FAM20C: variants seen among roughly 807,000 people sequenced by gnomAD.
FAM20C encodes FAM20C golgi associated secretory pathway kinase.
Under a neutral mutation model 51.5 loss-of-function variants are expected in FAM20C, and 40 were observed. The observed-to-expected ratio is 0.78, with a 90% CI of 0.60 to 1.01. FAM20C has a LOEUF of 1.01. Among genes scored for constraint, FAM20C ranks in the 50% least tolerant of loss-of-function variants. The pLI is 0.00. For synonymous variants in FAM20C, 406 were observed against 380.6 expected (o/e 1.07, Z -0.78); for missense variants, 861 against 844.7 (o/e 1.02, Z -0.24).
At chr7:240,623 G>C (rs1466390755) in intron 3 of FAM20C, among the ~76,000 whole-genome samples, 2 of 152,120 alleles carry the variant, frequency 1.3e-5, no homozygotes, top group African/African-American at 4.8e-5. Context: ...GACTTCTCTG[G>C]ACAATTCTTT....
intron 3 of FAM20C, among the ~76,000 whole-genome samples, chr7:240,670 C>G (rs1787919155): frequency 6.6e-6 from 1 of 152,170 alleles, no homozygotes; most frequent in Non-Finnish European, 1.5e-5. Context: ...TTATGAAACA[C>G]CTGTTCGGAA....
intron 3 of FAM20C, among the ~76,000 whole-genome samples, chr7:210,881 G>T (rs1249241047): frequency 3.9e-5 from 6 of 152,156 alleles, no homozygotes; most frequent in African/African-American, 1.2e-4. Flanking sequence ...TGCGGGAACC[G>T]GCGTCTCGTG....
chr7:257,108 C>T (rs988690494), intron 8 of FAM20C, 22 bp downstream of exon 8: 2 of 1,535,276 alleles, frequency 1.3e-6, no homozygotes, highest in African/African-American at 2.7e-5. Flanking sequence ...CTCGCCCCTG[C>T]ACACCCAGGG....
intron 2 of FAM20C, among the ~76,000 whole-genome samples, chr7:200,326 C>T (rs551145326): frequency 6.6e-6 from 1 of 152,314 alleles, no homozygotes; most frequent in South Asian, 2.1e-4. Context: ...GCTGGACGCC[C>T]ATGGCCCCAG....
chr7:254,843 G>T (rs1164090594), intron 5 of FAM20C, among the ~76,000 whole-genome samples: 2 of 152,192 alleles, frequency 1.3e-5, no homozygotes, highest in Non-Finnish European at 2.9e-5. Context: ...TATTAAGAGG[G>T]TCATACGACG....
chr7:248,866 G>A (rs1050019974), intron 5 of FAM20C, among the ~76,000 whole-genome samples: 16 of 151,626 alleles, frequency 1.1e-4, no homozygotes, highest in South Asian at 4.2e-4. Context: ...CATCTCTCCA[G>A]GTAGCCTGGC....
rs1051501622 is a variant in FAM20C, at chr7:195,455, C to A, written c.606-99C>A. On this transcript the variant is annotated intron_variant, in intron 1 of 9. Coordinates refer to ENST00000313766, the MANE Select transcript of FAM20C (RefSeq NM_020223.4). Reference sequence around the variant, plus strand: ...TTCAACACATCTGCACTTGCTTGAACCCAAAGTTAAAAACACTGGCGTCGG... The same window carrying A: ...TTCAACACATCTGCACTTGCTTGAAACCAAAGTTAAAAACACTGGCGTCGG... 5 of 1,229,836 alleles carry A rather than the reference C, an allele frequency of 4.1e-6. No homozygotes were observed. The South Asian group carries it at 8.5e-5, about 21-fold the overall frequency. 76.2% of individuals were successfully genotyped at this position (1,229,836 alleles called of 1,614,324 possible). A position where few individuals can be genotyped will look rare whatever the true frequency, so the allele number is the denominator to read the frequency against.
chr7:219,196 G>A (rs1787138101), intron 3 of FAM20C, among the ~76,000 whole-genome samples: 1 of 152,170 alleles, frequency 6.6e-6, no homozygotes. Flanking sequence ...GGTTTGAGGG[G>A]AGCATGTGAC....
chr7:258,423 C>A (rs1305698546), intron 8 of FAM20C, among the ~76,000 whole-genome samples: 9 of 84,314 alleles, frequency 1.1e-4, no homozygotes, highest in South Asian at 3.9e-4. Flanking sequence ...TGGGGTGGAC[C>A]CACTGCCTGG....
rs182193371 is a variant in FAM20C at position 250,704 on chromosome 7, G to A, written c.1072+2274G>A. Among the ~76,000 whole-genome samples, 168 of 152,334 alleles carry A rather than the reference G, an allele frequency of 1.1e-3. 1 individual carries two copies. The Middle Eastern group carries it at 0.014, about 12-fold the overall frequency. On this transcript the variant is annotated intron_variant, in intron 5 of 9. Transcript: ENST00000313766. ...TCCAGCCACCGCCTCCTGCCCCACCGTCCACAGGACTGACCGCACTGCAGC... is the reference window on the plus strand; with the variant it reads ...TCCAGCCACCGCCTCCTGCCCCACCATCCACAGGACTGACCGCACTGCAGC...
chr7:257,782 G>A (rs1003203795), intron 8 of FAM20C, among the ~76,000 whole-genome samples: 20 of 128,190 alleles, frequency 1.6e-4, no homozygotes, highest in South Asian at 2.5e-4. Context: ...CCCACTGCCC[G>A]GGGTGCTGGA....
chr7:248,179 G>T, intron 4 of FAM20C, 136 bp from the exon 5 acceptor site: 2 of 615,376 alleles, frequency 3.3e-6, no homozygotes, highest in East Asian at 5.7e-5. Flanking sequence ...GGTTTATTCG[G>T]AGGCAGGGAC....
intron 2 of FAM20C, among the ~76,000 whole-genome samples, chr7:203,768 C>T (rs531410104): frequency 6.6e-6 from 1 of 152,034 alleles, no homozygotes; most frequent in African/African-American, 2.4e-5. Context: ...TGCTTCCAGA[C>T]GAAGAAGGAC....
intron 3 of FAM20C, among the ~76,000 whole-genome samples, chr7:217,502 G>T (rs1158948462): frequency 2.6e-5 from 4 of 152,232 alleles, no homozygotes; most frequent in African/African-American, 9.6e-5. Flanking sequence ...CTGGGGGGCG[G>T]TGCTGAGATG....
At chr7:229,557 T>C (rs1266578866) in intron 3 of FAM20C, 1 of 152,256 alleles carries the variant, frequency 6.6e-6, no homozygotes, top group African/African-American at 2.4e-5. Flanking sequence ...GAATGACAGA[T>C]GGGGGATGAG....
chr7:234,360 G>C (rs1050163469), intron 3 of FAM20C, among the ~76,000 whole-genome samples: 1 of 152,216 alleles, frequency 6.6e-6, no homozygotes, highest in Non-Finnish European at 1.5e-5. Context: ...TGCTGCCCAC[G>C]ACTGAGGCTG....
intron 3 of FAM20C, among the ~76,000 whole-genome samples, chr7:219,100 T>A (rs1787134508): frequency 6.7e-6 from 1 of 150,354 alleles, no homozygotes; most frequent in South Asian, 2.1e-4. Context: ...TCACCATGGG[T>A]GGTGGTGGTG....
In FAM20C at chr7:209,110, C is replaced by CT. The variant is rs545127320; in HGVS notation, c.863+135dup. ...AGACTGTGGGTGACCACTCTCAACTCTCCCCGTCATGGCAAACGAGCAACA... is the reference window on the plus strand; with the variant it reads ...AGACTGTGGGTGACCACTCTCAACTCTTCCCCGTCATGGCAAACGAGCAACA... On this transcript the variant is annotated intron_variant, in intron 3 of 9. Coordinates refer to ENST00000313766, the MANE Select transcript of FAM20C (RefSeq NM_020223.4). 7.7e-4 allele frequency: 660 copies of CT among 853,934 alleles called. 19 individuals are homozygous for CT. In the East Asian group the frequency reaches 0.018, roughly 23 times the overall value. The allele number at this position is 853,934 out of a possible 1,614,324, so 52.9% of individuals were successfully genotyped here. A position where few individuals can be genotyped will look rare whatever the true frequency, so the allele number is the denominator to read the frequency against.
intron 8 of FAM20C, among the ~76,000 whole-genome samples, chr7:257,727 CGGGGTGG>C (rs1788639065): frequency 1.4e-5 from 2 of 142,814 alleles, no homozygotes; most frequent in African/African-American, 6.0e-5. Flanking sequence ...TGGGGACAGG[CGGGGTGG>C]ACCCACTGCC....
Sources: gnomAD v4.1 joint callset for allele counts (sites outside exome capture counted in the v4.1 genomes callset) on GRCh38, gnomAD v4.1.1 for gene constraint, MANE v1.5 for transcripts, NCBI Gene and HGNC (gene_info 2026-07-23, HGNC 2026-07-21) for gene names.